IL6R: variants seen among roughly 807,000 people sequenced by gnomAD.
IL6R encodes the protein interleukin-6 receptor subunit alpha.
IL6R carries 38 observed loss-of-function variants against 48.3 expected under a neutral mutation model. That is an observed-to-expected ratio of 0.79 (90% confidence interval 0.61 to 1.03). The LOEUF (loss-of-function observed/expected upper bound fraction) is 1.03. Among genes scored for constraint, IL6R ranks in the 50% least tolerant of loss-of-function variants. The pLI, the probability that IL6R is intolerant of heterozygous loss-of-function variation, is 0.00. For synonymous variants in IL6R, 264 were observed against 256.2 expected (o/e 1.03, Z -0.29); for missense variants, 534 against 618.3 (o/e 0.86, Z 1.45).
intron 1 of IL6R, among the ~76,000 whole-genome samples, chr1:154,409,126 C>A (rs1292337150): frequency 6.6e-6 from 1 of 152,110 alleles, no homozygotes; most frequent in Non-Finnish European, 1.5e-5. Flanking sequence ...CGACAGGAGA[C>A]CCTGTCTCCA....
intron 1 of IL6R, among the ~76,000 whole-genome samples, chr1:154,418,905 C>G (rs866260533): frequency 6.6e-6 from 1 of 152,138 alleles, no homozygotes; most frequent in Non-Finnish European, 1.5e-5. Flanking sequence ...GCACACCCCT[C>G]AAGCCTCAGC....
At chr1:154,422,399 G>A (rs1251084755) in intron 1 of IL6R, among the ~76,000 whole-genome samples, 1 of 152,168 alleles carries the variant, frequency 6.6e-6, no homozygotes, top group African/African-American at 2.4e-5. Context: ...CCCTCAGTAT[G>A]TTGGAGACAT....
At chr1:154,421,123 CTT>C (rs1688636385) in intron 1 of IL6R, among the ~76,000 whole-genome samples, 2 of 152,202 alleles carry the variant, frequency 1.3e-5, no homozygotes, top group African/African-American at 4.8e-5. Flanking sequence ...TGGCGCAGTC[CTT>C]GGGTGCTCTT....
chr1:154,436,118 G>T lies in IL6R; in HGVS notation c.949+8G>T, dbSNP rs368432006. 61 of 1,592,708 alleles carry T rather than the reference G, an allele frequency of 3.8e-5. No individual in the cohort carries two copies. The highest frequency in any genetic ancestry group is 4.8e-5 in the Non-Finnish European group (56 of 1,164,844). ...TGGGCACGCCTTGGACAGGTACTGC[G>T]GTGGGCACTGAGAAAGGAAGGGATG... On this transcript the variant is annotated splice_region_variant and intron_variant, in intron 6 of 9. Transcript: ENST00000368485.
intron 1 of IL6R, among the ~76,000 whole-genome samples, chr1:154,417,739 T>A (rs1348132360): frequency 2.0e-4 from 2 of 9,954 alleles, no homozygotes; most frequent in Non-Finnish European, 7.5e-4. Flanking sequence ...CCAGCTAATT[T>A]TTTTTTTTTT....
intron 5 of IL6R, 58 bp from the exon 6 acceptor site, chr1:154,435,911 C>T: frequency 6.8e-7 from 1 of 1,466,964 alleles, no homozygotes; most frequent in Non-Finnish European, 9.2e-7. Flanking sequence ...CACTGGGGTG[C>T]TACCTGCCCA....
intron 9 of IL6R, among the ~76,000 whole-genome samples, chr1:154,459,700 G>C (rs1221614590): frequency 6.6e-6 from 1 of 151,872 alleles, no homozygotes; most frequent in African/African-American, 2.4e-5. Context: ...CTATCGAAAA[G>C]GCTTGCCATC....
intron 9 of IL6R, among the ~76,000 whole-genome samples, chr1:154,454,788 C>G (rs1477164328): frequency 6.6e-6 from 1 of 152,160 alleles, no homozygotes; most frequent in Admixed American, 6.5e-5. Context: ...AGGACAGATA[C>G]AGTCTCAGGA....
At chr1:154,426,492 G>T (rs79665371) in intron 1 of IL6R, among the ~76,000 whole-genome samples, 1 of 148,814 alleles carries the variant, frequency 6.7e-6, no homozygotes, top group Non-Finnish European at 1.5e-5. Context: ...TTGCACTCCA[G>T]CCTGGGTGAT....
chr1:154,414,516 C>T lies in IL6R; in HGVS notation c.85+8802C>T, dbSNP rs1034655334. Reference sequence around the variant, plus strand: ...ACCCACCCTCACTTCTTGGTGTAGTCGGTCATCTTTTTGGGTGTGTTGAAG... The same window carrying T: ...ACCCACCCTCACTTCTTGGTGTAGTTGGTCATCTTTTTGGGTGTGTTGAAG... On this transcript the variant is annotated intron_variant, in intron 1 of 9. Coordinates refer to ENST00000368485, the MANE Select transcript of IL6R (RefSeq NM_000565.4). 11 of 804,390 alleles carry T rather than the reference C, an allele frequency of 1.4e-5. No individual in the cohort carries two copies. In the African/African-American group the frequency reaches 1.4e-4, roughly 10 times the overall value. The allele number at this position is 804,390 out of a possible 1,614,324, so 49.8% of individuals were successfully genotyped here. A position where few individuals can be genotyped will look rare whatever the true frequency, so the allele number is the denominator to read the frequency against.
Position 154,405,540 on chromosome 1 carries a change from G to A in IL6R, c.-90G>A, listed in dbSNP as rs1051484184. ...GCCTGAGCCCGCCTGCCCGCCCACCGCCCCGCCCCGCCCCTGCCACCCCTG... is the reference window on the plus strand; with the variant it reads ...GCCTGAGCCCGCCTGCCCGCCCACCACCCCGCCCCGCCCCTGCCACCCCTG... On this transcript the variant is annotated 5_prime_UTR_variant, in exon 1 of 10. Coordinates refer to ENST00000368485, the MANE Select transcript of IL6R (RefSeq NM_000565.4). The surrounding 1 kb of genome is among the most constrained non-coding windows in gnomAD (Gnocchi z 5.2). 9.6e-5 allele frequency: 4 copies of A among 41,706 alleles called. No homozygotes were observed. The highest frequency in any genetic ancestry group is 1.1e-3 in the East Asian group (1 of 874). 2.6% of individuals were successfully genotyped at this position (41,706 alleles called of 1,614,324 possible). A position where few individuals can be genotyped will look rare whatever the true frequency, so the allele number is the denominator to read the frequency against.
In IL6R at chr1:154,435,019, G is replaced by A; in HGVS notation, c.670G>A (p.Val224Ile). The A allele has an allele frequency of 6.2e-7, 1 of 1,614,152 alleles. No homozygotes were observed. The highest frequency in any genetic ancestry group is 1.1e-5 in the South Asian group (1 of 91,088). The change falls in exon 5 of 10, where the codon GTC (valine) becomes ATC (isoleucine). Residue 224 changes from valine to isoleucine, a missense_variant. Val to Ile is a conservative substitution (Grantham distance 29, BLOSUM62 3). Transcript: ENST00000368485. Reference protein sequence around the residue: ...LQPDPPANITVTAVARNPRWL... With the variant: ...LQPDPPANITITAVARNPRWL... ...GCCTGATCCGCCTGCCAACATCACAGTCACTGCCGTGGCCAGAAACCCCCG... is the reference window on the plus strand; with the variant it reads ...GCCTGATCCGCCTGCCAACATCACAATCACTGCCGTGGCCAGAAACCCCCG...
intron 2 of IL6R, among the ~76,000 whole-genome samples, chr1:154,429,854 G>A (rs981948094): frequency 4.6e-5 from 7 of 152,124 alleles, no homozygotes; most frequent in African/African-American, 1.7e-4. Context: ...ATGTGTGTGT[G>A]TGTATATCAC....
At chr1:154,424,924 T>C (rs553496003) in intron 1 of IL6R, among the ~76,000 whole-genome samples, 1 of 152,114 alleles carries the variant, frequency 6.6e-6, no homozygotes, top group East Asian at 1.9e-4. Context: ...TCCTGTCCCT[T>C]TTAAGGGCTC....
rs757458301 is a variant in IL6R, at chr1:154,420,515, A to AT, written c.86-8678dup. 5.1e-3 allele frequency among the ~76,000 whole-genome samples: 763 copies of AT among 149,944 alleles called. 4 individuals carry two copies. The highest frequency in any genetic ancestry group is 6.9e-3 in the Middle Eastern group (2 of 290). On this transcript the variant is annotated intron_variant, in intron 1 of 9. Coordinates refer to ENST00000368485, the MANE Select transcript of IL6R (RefSeq NM_000565.4). The stretch of plus-strand genomic sequence containing the variant: ...GTGGAGATGTACTTTATTTTATTTT[A>AT]TTTATTTATTTATTTATTTATTTAT...
rs954048191 is a variant in IL6R at position 154,405,935 on chromosome 1, C to T, written c.85+221C>T. Among the ~76,000 whole-genome samples the T allele has an allele frequency of 9.2e-5, 14 of 152,148 alleles. No individual in the cohort carries two copies. Among genetic ancestry groups the T allele is most frequent in the African/African-American group, 3.4e-4 (14 of 41,452 alleles). On this transcript the variant is annotated intron_variant, in intron 1 of 9. Coordinates refer to ENST00000368485, the MANE Select transcript of IL6R (RefSeq NM_000565.4). The surrounding 1 kb of genome is among the most constrained non-coding windows in gnomAD (Gnocchi z 5.2). ...TGCTCCCTTGGTCCGGAGCGCTCCC[C>T]GGAATGCCCGGTGAAGCTGTGCGGG...
At position 154,468,892 on chromosome 1, in the gene IL6R, T is replaced by G. The variant is rs1417778739; in HGVS notation, c.*3512T>G. On this transcript the variant is annotated 3_prime_UTR_variant, in exon 10 of 10. Coordinates refer to ENST00000368485, the MANE Select transcript of IL6R (RefSeq NM_000565.4). ...TCCAGGTGGAGTTGGTGGTCTTAATTTGGAGATGCAGGGGCAACCTGTGAC... is the reference window on the plus strand; with the variant it reads ...TCCAGGTGGAGTTGGTGGTCTTAATGTGGAGATGCAGGGGCAACCTGTGAC... 1 of 152,240 alleles carries G rather than the reference T, an allele frequency of 6.6e-6. No individual in the cohort carries two copies. Among genetic ancestry groups the G allele is most frequent in the South Asian group, 2.1e-4 (1 of 4,830 alleles). 9.4% of individuals were successfully genotyped at this position (152,240 alleles called of 1,614,324 possible). A position where few individuals can be genotyped will look rare whatever the true frequency, so the allele number is the denominator to read the frequency against.
chr1:154,421,136 C>T (rs1688637780), intron 1 of IL6R, among the ~76,000 whole-genome samples: 1 of 152,226 alleles, frequency 6.6e-6, no homozygotes, highest in South Asian at 2.1e-4. Context: ...GGGTGCTCTT[C>T]CTCCCTCCTG....
intron 2 of IL6R, 70 bp from the exon 3 acceptor site, chr1:154,430,413 C>T (rs1455621325): frequency 4.0e-5 from 64 of 1,581,022 alleles, no homozygotes; most frequent in Non-Finnish European, 5.4e-5. Flanking sequence ...GGGAGGCTGC[C>T]CTGTCTGCGA....
Sources: allele counts gnomAD v4.1 joint callset (sites outside exome capture counted in the v4.1 genomes callset), GRCh38; gene constraint gnomAD v4.1.1; non-coding constraint Gnocchi (gnomAD v3.1); transcripts MANE v1.5; gene names NCBI Gene and HGNC (gene_info 2026-07-23, HGNC 2026-07-21).